Variants in CNOT3 observed in about 807,000 individuals in gnomAD.
CNOT3 encodes the protein CCR4-NOT transcription complex subunit 3.
CNOT3 carries 2 observed loss-of-function variants against 89.4 expected under a neutral mutation model. The observed-to-expected ratio is 0.02, with a 90% CI of 0.01 to 0.07. CNOT3 has a LOEUF of 0.07. Ranked by LOEUF, CNOT3 falls within the 10% of genes least tolerant of loss-of-function variation. CNOT3 has a pLI of 1.00. For missense variants in CNOT3, 664 were observed against 1,010.2 expected, an observed-to-expected ratio of 0.66 and a Z score of 4.65; for synonymous variants, 486 against 402.0, an observed-to-expected ratio of 1.21 and a Z score of -2.50.
intron 1 of CNOT3, among the ~76,000 whole-genome samples, chr19:54,139,910 T>C (rs1233892600): frequency 6.6e-6 from 1 of 152,044 alleles, no homozygotes; most frequent in African/African-American, 2.4e-5. Flanking sequence ...GCATCCTTCT[T>C]CTGGAGTCTC....
chr19:54,149,464 A>G, intron 12 of CNOT3, 96 bp from the exon 13 acceptor site: 1 of 702,514 alleles, frequency 1.4e-6, no homozygotes, highest in Non-Finnish European at 2.3e-6. Context: ...ATCCCATCTG[A>G]TCTGTGCAGT....
chr19:54,139,012 C>G (rs1418310118), intron 1 of CNOT3, among the ~76,000 whole-genome samples: 5 of 152,150 alleles, frequency 3.3e-5, no homozygotes, highest in African/African-American at 1.2e-4. Context: ...GGTCTTGTTG[C>G]TGGGGGCTGC....
At chr19:54,149,471 C>A in intron 12 of CNOT3, 89 bp from the exon 13 acceptor site, 1 of 748,664 alleles carries the variant, frequency 1.3e-6, no homozygotes, top group Non-Finnish European at 2.1e-6. Context: ...CTGATCTGTG[C>A]AGTCTCCCCT....
intron 9 of CNOT3, 52 bp from the exon 10 acceptor site, chr19:54,146,549 C>A: frequency 2.2e-6 from 2 of 895,846 alleles, no homozygotes; most frequent in Non-Finnish European, 1.9e-6. Context: ...GGCGGTTCTC[C>A]ATCAGAGCCC....
At chr19:54,140,585 C>A (rs1011100203) in intron 1 of CNOT3, among the ~76,000 whole-genome samples, 1 of 152,096 alleles carries the variant, frequency 6.6e-6, no homozygotes, top group Non-Finnish European at 1.5e-5. Context: ...ATTTTCTTAG[C>A]GGGGAAGGTG....
intron 15 of CNOT3, 45 bp from the exon 16 acceptor site, chr19:54,152,822 A>G: frequency 1.1e-6 from 1 of 947,898 alleles, no homozygotes; most frequent in African/African-American, 1.6e-5. Context: ...TGATCACGAC[A>G]GGACTAGTAG....
In CNOT3 at chr19:54,145,725, A is replaced by G; in HGVS notation, c.611A>G (p.Lys204Arg). The change falls in exon 8 of 18, where the codon AAG (lysine) becomes AGG (arginine). Residue 204 changes from lysine (K) to arginine (R), a missense_variant. Physicochemically the swap from Lys to Arg is conservative, Grantham distance 26. Transcript: ENST00000221232. This position sits in a 1 kb window ranked among gnomAD's most constrained non-coding sequence, Gnocchi z 5.9. ...CTCGTTGACGCCATCCGCAAGATCA[A>G]GGACGACGTTGAGTACTATGTTGAC... The part of the protein sequence containing the change: ...SILVDAIRKI[K>R]DDVEYYVDSS... 3 of 1,613,414 alleles carry G rather than the reference A, an allele frequency of 1.9e-6. No homozygotes were observed. The highest frequency in any genetic ancestry group is 1.1e-5 in the South Asian group (1 of 91,064).
Position 54,145,591 on chromosome 19 carries a change from C to T in CNOT3, c.484-7C>T. The T allele has an allele frequency of 1.2e-6, 2 of 1,611,188 alleles. No individual in the cohort carries two copies. Among genetic ancestry groups the T allele is most frequent in the Non-Finnish European group, 8.5e-7 (1 of 1,177,780 alleles). ...GCCCCTGAGCCTGGCCCTGGGCTCG[C>T]CAGCAGAAGCAGGACCGGATTGAGG... On this transcript the variant is annotated splice_polypyrimidine_tract_variant and splice_region_variant and intron_variant, in intron 7 of 17. Transcript: ENST00000221232. This position sits in a 1 kb window ranked among gnomAD's most constrained non-coding sequence, Gnocchi z 5.9.
intron 1 of CNOT3, among the ~76,000 whole-genome samples, chr19:54,138,568 C>T (rs2074317148): frequency 6.6e-6 from 1 of 152,020 alleles, no homozygotes; most frequent in East Asian, 1.9e-4. Context: ...TTCCCAGGAC[C>T]GAGGCCGCCC....
rs1410825286 is a variant in CNOT3, at chr19:54,144,972, G to A, written c.484-626G>A. 6.6e-6 allele frequency among the ~76,000 whole-genome samples: 1 copy of A among 152,106 alleles called. No individual in the cohort carries two copies. The highest frequency in any genetic ancestry group is 2.4e-5 in the African/African-American group (1 of 41,402). The stretch of plus-strand genomic sequence containing the variant: ...AGGGTTGGGTGTCAGACTCTGAGGG[G>A]TTTGGGAACCAGGGGCTTTCGGGGA... On this transcript the variant is annotated intron_variant, in intron 7 of 17. Transcript: ENST00000221232. The surrounding 1 kb of genome is among the most constrained non-coding windows in gnomAD (Gnocchi z 4.8).
Position 54,137,819 on chromosome 19 carries a change from C to T in CNOT3, c.-225C>T, listed in dbSNP as rs1405669804. 2.6e-5 allele frequency: 4 copies of T among 152,184 alleles called. No individual in the cohort carries two copies. Among genetic ancestry groups the T allele is most frequent in the Admixed American group, 1.3e-4 (2 of 15,298 alleles). 9.4% of individuals were successfully genotyped at this position (152,184 alleles called of 1,614,324 possible). A position where few individuals can be genotyped will look rare whatever the true frequency, so the allele number is the denominator to read the frequency against. Reference sequence around the variant, plus strand: ...GCCATCGGCAGACGCCGCGGCCTCCCTTGAGCCCCGACCCCCGTCGTCAGA... The same window carrying T: ...GCCATCGGCAGACGCCGCGGCCTCCTTTGAGCCCCGACCCCCGTCGTCAGA... On this transcript the variant is annotated 5_prime_UTR_variant, in exon 1 of 18. Coordinates refer to ENST00000221232, the MANE Select transcript of CNOT3 (RefSeq NM_014516.4).
chr19:54,147,855 G>C (rs2074768028), intron 10 of CNOT3, among the ~76,000 whole-genome samples: 1 of 152,166 alleles, frequency 6.6e-6, no homozygotes, highest in Admixed American at 6.5e-5. Flanking sequence ...ATCTTCTCTG[G>C]CTGACAACCT....
At chr19:54,141,456 T>G (rs1447135666) in intron 1 of CNOT3, 1 of 152,216 alleles carries the variant, frequency 6.6e-6, no homozygotes, top group African/African-American at 2.4e-5. Context: ...TTCTAAAGCA[T>G]ATCCGTCCCA....
At chr19:54,142,858 C>G (rs1466401113) in intron 1 of CNOT3, 71 bp from the exon 2 acceptor site, 1 of 964,960 alleles carries the variant, frequency 1.0e-6, no homozygotes, top group Non-Finnish European at 1.7e-6. Context: ...ACTATGCTGA[C>G]TAGGTCCATG....
rs143915547 is a variant in CNOT3, at chr19:54,153,325, T to G, written c.2037+326T>G. 3.5e-4 allele frequency: 267 copies of G among 760,256 alleles called. No individual in the cohort carries two copies. In the African/African-American group the frequency reaches 4.2e-3, roughly 12 times the overall value. 47.1% of individuals were successfully genotyped at this position (760,256 alleles called of 1,614,324 possible). A position where few individuals can be genotyped will look rare whatever the true frequency, so the allele number is the denominator to read the frequency against. ...GCCCCAGTCTAGGCCGACCCCACTCTGCTCATTGGCACATTCTCAGGCCTC... is the reference window on the plus strand; with the variant it reads ...GCCCCAGTCTAGGCCGACCCCACTCGGCTCATTGGCACATTCTCAGGCCTC... On this transcript the variant is annotated intron_variant, in intron 16 of 17. Transcript: ENST00000221232.
chr19:54,148,861 C>A lies in CNOT3; in HGVS notation c.1406+118C>A. On this transcript the variant is annotated intron_variant, in intron 12 of 17. Transcript: ENST00000221232. This position sits in a 1 kb window ranked among gnomAD's most constrained non-coding sequence, Gnocchi z 6.3. ...CCCCCGCCCTTGCTGCTGGGAATGG[C>A]CAAGCGCTATCCTCCATCTCCCTCG... is the stretch of plus-strand genomic sequence containing the variant. 3 of 851,422 alleles carry A rather than the reference C, an allele frequency of 3.5e-6. No homozygotes were observed. The highest frequency in any genetic ancestry group is 5.4e-6 in the Non-Finnish European group (3 of 555,140). The allele number at this position is 851,422 out of a possible 1,614,324, so 52.7% of individuals were successfully genotyped here.
rs2075354539 is a variant in CNOT3 at position 54,155,415 on chromosome 19, C to A, written c.*8C>A. On this transcript the variant is annotated 3_prime_UTR_variant, in exon 18 of 18. Transcript: ENST00000221232. ...GACCGGGACCTCCAGTGACACCGGC[C>A]CCTCCCTCTACCCACCCCCTTCCCC... The A allele has an allele frequency of 5.7e-6, 9 of 1,567,480 alleles. No homozygotes were observed. Among genetic ancestry groups the A allele is most frequent in the Non-Finnish European group, 7.8e-6 (9 of 1,147,346 alleles).
chr19:54,154,285 G>A, intron 17 of CNOT3: 1 of 332,620 alleles, frequency 3.0e-6, no homozygotes, highest in Non-Finnish European at 6.0e-6. Context: ...TTTTTGAATG[G>A]GCTTCTCAAG....
At position 54,148,954 on chromosome 19, in the gene CNOT3, A is replaced by G. The variant is rs1319974902; in HGVS notation, c.1406+211A>G. 3.3e-5 allele frequency among the ~76,000 whole-genome samples: 5 copies of G among 152,170 alleles called. No homozygotes were observed. Among genetic ancestry groups the G allele is most frequent in the African/African-American group, 1.2e-4 (5 of 41,442 alleles). On this transcript the variant is annotated intron_variant, in intron 12 of 17. Transcript: ENST00000221232. This position sits in a 1 kb window ranked among gnomAD's most constrained non-coding sequence, Gnocchi z 6.3. Reference sequence around the variant, plus strand: ...GCCTCCCTGCTTTGCCCTTCAGAACATTCTAAAATACGTTCTCATCTAAGT... The same window carrying G: ...GCCTCCCTGCTTTGCCCTTCAGAACGTTCTAAAATACGTTCTCATCTAAGT...
Sources: gnomAD v4.1 joint callset for allele counts (sites outside exome capture counted in the v4.1 genomes callset) on GRCh38, gnomAD v4.1.1 for gene constraint, Gnocchi (gnomAD v3.1) non-coding constraint, MANE v1.5 for transcripts, NCBI Gene and HGNC (gene_info 2026-07-23, HGNC 2026-07-21) for gene names.